CEP63: variants seen among roughly 807,000 people sequenced by gnomAD.
The protein encoded by CEP63 is centrosomal protein of 63 kDa.
In CEP63, 84 loss-of-function variants were observed where a neutral mutation model predicts 89.1. The ratio of observed to expected loss-of-function variants is 0.94; its 90% CI spans 0.79 to 1.13. The LOEUF (loss-of-function observed/expected upper bound fraction) is 1.13. CEP63 is among the 50% of genes most tolerant of loss of function. The probability of loss-of-function intolerance (pLI) is 0.00; values close to 1 mark genes in which losing one functional copy is unlikely to be tolerated. For synonymous variants in CEP63, 267 were observed against 272.5 expected (o/e 0.98, Z 0.20); for missense variants, 838 against 813.3 (o/e 1.03, Z -0.37).
chr3:134,627,669 A>G, the CEP63 span: 1 of 1,222,616 alleles, frequency 8.2e-7, no homozygotes, highest in South Asian at 1.2e-5. Context: ...ATAGTGGCCC[A>G]GGAAGCAACT....
At chr3:134,634,834 G>T in the CEP63 span, among the ~76,000 whole-genome samples, 3 of 152,210 alleles carry the variant, frequency 2.0e-5, no homozygotes, top group Non-Finnish European at 4.4e-5. Flanking sequence ...TTATATGTGG[G>T]TGGTCCTGGA....
rs1957597852 is a variant in CEP63, at chr3:134,564,297, A to C, written c.*2762A>C. ...CATCGTTTCTTTTGTGTTGGTGTGC[A>C]TGCTGTCCTTCAGTTTGTCTCCTCT... On this transcript the variant is annotated 3_prime_UTR_variant, in exon 15 of 15. Coordinates refer to ENST00000675561, the MANE Select transcript of CEP63 (RefSeq NM_001353108.3). The C allele has an allele frequency of 1.0e-6, 1 of 985,228 alleles. No individual in the cohort carries two copies. Among genetic ancestry groups the C allele is most frequent in the East Asian group, 1.1e-4 (1 of 8,814 alleles). 61.0% of individuals were successfully genotyped at this position (985,228 alleles called of 1,614,324 possible).
At chr3:134,628,111 G>A in the CEP63 span, 1 of 419,062 alleles carries the variant, frequency 2.4e-6, no homozygotes, top group Non-Finnish European at 4.4e-6. Flanking sequence ...GATTCATTGG[G>A]TCCTCCTGGA....
chr3:134,672,942 C>T, the CEP63 span, among the ~76,000 whole-genome samples: 1 of 152,156 alleles, frequency 6.6e-6, no homozygotes, highest in East Asian at 1.9e-4. Flanking sequence ...AATAGTTTCC[C>T]TTTACTTATA....
At chr3:134,738,130 TA>T in the CEP63 span, among the ~76,000 whole-genome samples, 1 of 152,094 alleles carries the variant, frequency 6.6e-6, no homozygotes, top group Admixed American at 6.5e-5. Context: ...TGGCAAAAAT[TA>T]AAAAGAATAT....
chr3:134,624,793 G>A, the CEP63 span, among the ~76,000 whole-genome samples: 1 of 152,276 alleles, frequency 6.6e-6, no homozygotes, highest in South Asian at 2.1e-4. Flanking sequence ...GCTTGCCAAT[G>A]AAGAGCTCCA....
the CEP63 span, among the ~76,000 whole-genome samples, chr3:134,749,492 G>A: frequency 6.6e-6 from 1 of 151,858 alleles, no homozygotes; most frequent in African/African-American, 2.4e-5. Context: ...GAGAATGGAA[G>A]GAAAAATGTC....
At chr3:134,777,461 G>T in the CEP63 span, among the ~76,000 whole-genome samples, 2 of 151,936 alleles carry the variant, frequency 1.3e-5, no homozygotes, top group East Asian at 1.9e-4. Flanking sequence ...TTTCAGAGGG[G>T]TCTTCATCAA....
At position 134,562,923 on chromosome 3, in the gene CEP63, T is replaced by G. The variant is rs1415770010; in HGVS notation, c.*1388T>G. The G allele has an allele frequency of 6.6e-6, 1 of 152,320 alleles. No individual in the cohort carries two copies. The highest frequency in any genetic ancestry group is 1.5e-5 in the Non-Finnish European group (1 of 68,154). The allele number at this position is 152,320 out of a possible 1,614,324, so 9.4% of individuals were successfully genotyped here. A position where few individuals can be genotyped will look rare whatever the true frequency, so the allele number is the denominator to read the frequency against. On this transcript the variant is annotated 3_prime_UTR_variant, in exon 15 of 15. Transcript: ENST00000675561. Reference sequence around the variant, plus strand: ...CTCAGCATTCTCTTCCCTAGAAGTTTCCATTCCATTCTCAAGCTCTTAATA... The same window carrying G: ...CTCAGCATTCTCTTCCCTAGAAGTTGCCATTCCATTCTCAAGCTCTTAATA...
chr3:134,623,908 T>A, the CEP63 span, among the ~76,000 whole-genome samples: 1 of 152,088 alleles, frequency 6.6e-6, no homozygotes, highest in Non-Finnish European at 1.5e-5. Context: ...ATGGGCTTCC[T>A]CCACCCCTGC....
At chr3:134,555,496 C>A (rs9758799) in intron 12 of CEP63, among the ~76,000 whole-genome samples, 2 of 148,972 alleles carry the variant, frequency 1.3e-5, no homozygotes, top group Non-Finnish European at 1.5e-5. Flanking sequence ...AACAGAGAGC[C>A]AAATCATGAG....
chr3:134,625,001 A>G, the CEP63 span: 23 of 1,502,980 alleles, frequency 1.5e-5, 1 homozygote, highest in South Asian at 2.8e-4. Flanking sequence ...GCTGCCCTAG[A>G]ACTCTAAGCC....
intron 8 of CEP63, among the ~76,000 whole-genome samples, chr3:134,546,649 G>A (rs1361943650): frequency 2.6e-5 from 4 of 152,232 alleles, no homozygotes; most frequent in South Asian, 2.1e-4. Flanking sequence ...GAGCTGCCAC[G>A]CCCATCCAAG....
chr3:134,615,671 G>A, the CEP63 span, among the ~76,000 whole-genome samples: 51,900 of 150,430 alleles, frequency 0.35, 9,388 homozygotes, highest in Non-Finnish European at 0.37. Context: ...ATAAGGGTGG[G>A]GGAGCTAAGA....
rs371005332 is a variant in CEP63 at position 134,551,976 on chromosome 3, T to C, written c.1431T>C (p.Ser477=). ...TCAAATTAGAAAATCGTCATCTTTCTGAAATGGTGATGAAATTGGAATTGG... is the reference window on the plus strand; with the variant it reads ...TCAAATTAGAAAATCGTCATCTTTCCGAAATGGTGATGAAATTGGAATTGG... ...ESLKLENRHL[S]EMVMKLELGL... Residue 477 remains serine (S), a synonymous_variant, in exon 12 of 15, where the codon TCT becomes TCC. Coordinates refer to ENST00000675561, the MANE Select transcript of CEP63 (RefSeq NM_001353108.3). 56 of 1,607,762 alleles carry C rather than the reference T, an allele frequency of 3.5e-5. No homozygotes were observed. The highest frequency in any genetic ancestry group is 5.0e-5 in the Admixed American group (3 of 59,706).
the CEP63 span, chr3:134,608,961 C>T: frequency 1.8e-6 from 2 of 1,133,930 alleles, no homozygotes; most frequent in African/African-American, 3.1e-5. Flanking sequence ...CCGACCCTAA[C>T]ATGGGCACTG....
chr3:134,703,121 C>T, the CEP63 span, among the ~76,000 whole-genome samples: 16 of 151,878 alleles, frequency 1.1e-4, no homozygotes, highest in Admixed American at 1.0e-3. Context: ...CAGTGAAACC[C>T]CATCTCTACT....
At chr3:134,486,310 C>G in intron 1 of CEP63, 108 bp downstream of exon 1, 1 of 985,568 alleles carries the variant, frequency 1.0e-6, no homozygotes, top group Non-Finnish European at 1.2e-6. Flanking sequence ...GCGGCCCAGG[C>G]TGCCTTGGTG....
At chr3:134,634,467 A>G in the CEP63 span, among the ~76,000 whole-genome samples, 1 of 152,258 alleles carries the variant, frequency 6.6e-6, no homozygotes, top group Non-Finnish European at 1.5e-5. Flanking sequence ...AATTTTTACA[A>G]AAGTGCAAAG....
Sources: allele counts gnomAD v4.1 joint callset (sites outside exome capture counted in the v4.1 genomes callset), GRCh38; gene constraint gnomAD v4.1.1; transcripts MANE v1.5; gene names NCBI Gene and HGNC (gene_info 2026-07-23, HGNC 2026-07-21).